Variants in FCRLA observed in about 807,000 individuals in gnomAD.
FCRLA encodes Fc receptor like A.
FCRLA carries 26 observed loss-of-function variants against 28.4 expected under a neutral mutation model. That is an observed-to-expected ratio of 0.91 (90% confidence interval 0.67 to 1.27). The LOEUF (loss-of-function observed/expected upper bound fraction) is 1.27, where lower values mean the gene tolerates loss of function less well. FCRLA is among the 50% of genes most tolerant of loss of function. The pLI is 0.00. For synonymous variants in FCRLA, 174 were observed against 168.5 expected (o/e 1.03, Z -0.25); for missense variants, 422 against 433.1 (o/e 0.97, Z 0.23).
rs530777599 is a variant in FCRLA at position 161,710,909 on chromosome 1, T to C, written c.229T>C (p.Tyr77His). 1.2e-6 allele frequency: 2 copies of C among 1,612,804 alleles called. No homozygotes were observed. The highest frequency in any genetic ancestry group is 4.5e-5 in the East Asian group (2 of 44,874). The change falls in exon 2 of 5, where the codon TAT becomes CAT. Residue 77 changes from tyrosine (Y) to histidine (H), a missense_variant. By Grantham distance (83) the Tyr-to-His change is moderately conservative. Coordinates refer to ENST00000236938, the MANE Select transcript of FCRLA (RefSeq NM_032738.4). The part of the protein sequence containing the change: ...FSEPFHLIVS[Y>H]DWLILQGPAK... ...TGAACCCTTCCACCTGATTGTGTCCTATGGTGAGGTCCTGGGAAGGCCTGA... is the reference window on the plus strand; with the variant it reads ...TGAACCCTTCCACCTGATTGTGTCCCATGGTGAGGTCCTGGGAAGGCCTGA...
rs34733000 is a variant in FCRLA at position 161,711,963 on chromosome 1, G to T, written c.529G>T (p.Val177Leu). Residue 177 changes from valine (V) to leucine (L), a missense_variant, in exon 4 of 5, where the codon GTA (valine) becomes TTA (leucine). By Grantham distance (32) the Val-to-Leu change is conservative. Around this residue, in one of 3 missense-constraint regions of FCRLA, gnomAD observed 231 missense variants for 214.6 expected, o/e 1.08. Transcript: ENST00000236938. ...GTTTCCAGCGCCAATTCTCAGAGCT[G>T]TACCCTCAGCTGAACCCCAAGCAGG... is the stretch of plus-strand genomic sequence containing the variant. ...ELFPAPILRA[V>L]PSAEPQAGSP... The T allele has an allele frequency of 1.9e-6, 3 of 1,613,678 alleles. No homozygotes were observed. The highest frequency in any genetic ancestry group is 3.3e-5 in the Admixed American group (2 of 59,970).
intron 1 of FCRLA, among the ~76,000 whole-genome samples, chr1:161,708,916 GT>G (rs1310299754): frequency 3.9e-5 from 6 of 152,084 alleles, no homozygotes; most frequent in Admixed American, 3.9e-4. Flanking sequence ...TAGTGACAAT[GT>G]TTTTTTGTTT....
At position 161,713,629 on chromosome 1, in the gene FCRLA, C is replaced by T. The variant is rs936873964; in HGVS notation, c.*249C>T. 6 of 388,882 alleles carry T rather than the reference C, an allele frequency of 1.5e-5. No individual in the cohort carries two copies. The highest frequency in any genetic ancestry group is 2.3e-5 in the Non-Finnish European group (5 of 217,420). The allele number at this position is 388,882 out of a possible 1,614,324, so 24.1% of individuals were successfully genotyped here. A position where few individuals can be genotyped will look rare whatever the true frequency, so the allele number is the denominator to read the frequency against. ...GATCAGGAATTTCTATCTGTTATAT[C>T]GACCAGAATGTTGTGATTTAAAGAG... On this transcript the variant is annotated 3_prime_UTR_variant, in exon 5 of 5. Coordinates refer to ENST00000236938, the MANE Select transcript of FCRLA (RefSeq NM_032738.4).
At position 161,711,447 on chromosome 1, in the gene FCRLA, G is replaced by A. The variant is rs144403707; in HGVS notation, c.472G>A (p.Ala158Thr). ...QSPGPGIPET[A>T]SVVAITVQEL... Reference sequence around the variant, plus strand: ...CCCTGGTCCTGGGATCCCAGAAACAGCATCTGTTGTGGCTATCACAGTCCA... The same window carrying A: ...CCCTGGTCCTGGGATCCCAGAAACAACATCTGTTGTGGCTATCACAGTCCA... The change falls in exon 3 of 5, where the codon GCA becomes ACA. Residue 158 changes from alanine (A) to threonine (T), a missense_variant. Ala to Thr is a moderately conservative substitution (Grantham distance 58, BLOSUM62 0). This residue lies in a region of FCRLA where 231 missense variants were observed against 214.6 expected (regional missense o/e 1.08). Coordinates refer to ENST00000236938, the MANE Select transcript of FCRLA (RefSeq NM_032738.4). The A allele has an allele frequency of 2.2e-4, 356 of 1,614,140 alleles. 1 individual carries two copies. In the African/African-American group the frequency reaches 4.2e-3, roughly 19 times the overall value.
In FCRLA at chr1:161,711,206, A is replaced by G; in HGVS notation, c.233-2A>G. 11 of 1,611,124 alleles carry G rather than the reference A, an allele frequency of 6.8e-6. No homozygotes were observed. The highest frequency in any genetic ancestry group is 8.5e-6 in the Non-Finnish European group (10 of 1,178,188). On this transcript the variant is annotated splice_acceptor_variant, in intron 2 of 4. Transcript: ENST00000236938. LOFTEE classifies it high-confidence loss of function. ...ACACTCAGCTCTTTCTCTGGACCAT[A>G]GACTGGCTGATCCTCCAAGGTCCAG... is the stretch of plus-strand genomic sequence containing the variant.
At chr1:161,712,293 C>T in intron 4 of FCRLA, 75 bp downstream of exon 4, 1 of 1,530,106 alleles carries the variant, frequency 6.5e-7, no homozygotes, top group Non-Finnish European at 8.9e-7. Flanking sequence ...ATAAATTGAC[C>T]TGTGAGCTGG....
At chr1:161,710,977 G>A in intron 2 of FCRLA, 65 bp downstream of exon 2, 1 of 1,595,756 alleles carries the variant, frequency 6.3e-7, no homozygotes, top group South Asian at 1.1e-5. Context: ...AGCCCACCCA[G>A]GAAAGTGTCC....
In FCRLA at chr1:161,707,287, T is replaced by C. The variant is rs1315217902; in HGVS notation, c.23T>C (p.Met8Thr). 3.1e-6 allele frequency: 5 copies of C among 1,614,026 alleles called. No homozygotes were observed. The highest frequency in any genetic ancestry group is 4.2e-6 in the Non-Finnish European group (5 of 1,179,964). The change falls in exon 1 of 5, where the codon ATG becomes ACG. Residue 8 changes from methionine to threonine, a missense_variant. Coordinates refer to ENST00000236938, the MANE Select transcript of FCRLA (RefSeq NM_032738.4). MKLGCVLMAWALYLSLGV... is the reference protein window; with the variant it reads MKLGCVLTAWALYLSLGV... The stretch of plus-strand genomic sequence containing the variant: ...ACCATGAAGCTGGGCTGTGTCCTCA[T>C]GGCCTGGGCCCTCTACCTTTCCCTT...
chr1:161,711,788 T>G (rs1683114237), intron 3 of FCRLA, 146 bp from the exon 4 acceptor site: 1 of 1,046,052 alleles, frequency 9.6e-7, no homozygotes, highest in African/African-American at 1.6e-5. Flanking sequence ...CAGAAAGAAC[T>G]TGACAGATTC....
rs761404270 is a variant in FCRLA, at chr1:161,711,435, A to G, written c.460A>G (p.Ile154Val). Residue 154 changes from isoleucine (I) to valine (V), a missense_variant, in exon 3 of 5, where the codon ATC becomes GTC. Around this residue, in one of 3 missense-constraint regions of FCRLA, gnomAD observed 231 missense variants for 214.6 expected, o/e 1.08. Transcript: ENST00000236938. ...CATCTTCCAGAGCCCTGGTCCTGGG[A>G]TCCCAGAAACAGCATCTGTTGTGGC... The part of the protein sequence containing the change: ...SGIFQSPGPG[I>V]PETASVVAIT... 9.3e-6 allele frequency: 15 copies of G among 1,614,084 alleles called. No individual in the cohort carries two copies. The Admixed American group carries it at 2.0e-4, about 22-fold the overall frequency.
chr1:161,710,543 A>C, intron 1 of FCRLA: 1 of 1,541,782 alleles, frequency 6.5e-7, no homozygotes, highest in Non-Finnish European at 8.8e-7. Flanking sequence ...TCCAAACCAC[A>C]GTGCATTTGC....
At chr1:161,711,508 G>T (rs1166780950) in intron 3 of FCRLA, 34 bp downstream of exon 3, 1 of 1,584,026 alleles carries the variant, frequency 6.3e-7, no homozygotes, top group Non-Finnish European at 8.6e-7. Context: ...CATGGCAGGG[G>T]AGGGTAAGGA....
intron 1 of FCRLA, 124 bp from the exon 2 acceptor site, chr1:161,710,636 G>T: frequency 6.9e-7 from 1 of 1,445,842 alleles, no homozygotes. Context: ...AAAAAAAAAG[G>T]TTTTGATGTC....
intron 3 of FCRLA, chr1:161,711,700 C>T (rs1193389614): frequency 1.2e-5 from 9 of 729,296 alleles, no homozygotes; most frequent in Admixed American, 2.8e-5. Context: ...ATCTATGCTT[C>T]CTAGTGCTCA....
intron 1 of FCRLA, among the ~76,000 whole-genome samples, chr1:161,709,187 G>T (rs972919374): frequency 6.6e-6 from 1 of 152,092 alleles, no homozygotes; most frequent in African/African-American, 2.4e-5. Flanking sequence ...GAGTGCAGTG[G>T]TGCAATCACT....
At position 161,712,257 on chromosome 1, in the gene FCRLA, G is replaced by A. The variant is rs200260849; in HGVS notation, c.784+39G>A. ...AGAGTGCAGGTTGTCTGTTTGGCATGCGTGTGAGTGAAAAGGAGGGATAGG... is the reference window on the plus strand; with the variant it reads ...AGAGTGCAGGTTGTCTGTTTGGCATACGTGTGAGTGAAAAGGAGGGATAGG... On this transcript the variant is annotated intron_variant, in intron 4 of 4. Coordinates refer to ENST00000236938, the MANE Select transcript of FCRLA (RefSeq NM_032738.4). The A allele has an allele frequency of 3.0e-4, 473 of 1,582,366 alleles. 2 individuals are homozygous for A. The African/African-American group carries it at 5.5e-3, about 18-fold the overall frequency.
chr1:161,711,906 T>C, intron 3 of FCRLA, 28 bp from the exon 4 acceptor site: 1 of 1,582,126 alleles, frequency 6.3e-7, no homozygotes, highest in Non-Finnish European at 8.6e-7. Context: ...ATGGCTGAGC[T>C]CTTCTTTCCT....
chr1:161,710,225 C>A, intron 1 of FCRLA: 2 of 546,460 alleles, frequency 3.7e-6, no homozygotes, highest in South Asian at 4.4e-5. Context: ...TTTCCCGATC[C>A]ATTGCTTAGT....
At position 161,713,474 on chromosome 1, in the gene FCRLA, TTACAAG is replaced by T; in HGVS notation, c.*96_*101del. ...GTCCTGCACATATGCATAAGTACTT[TTACAAG>T]TTGTCCCAGTGTTTTGTTAGAATAA... On this transcript the variant is annotated 3_prime_UTR_variant, in exon 5 of 5. Transcript: ENST00000236938. 9.9e-7 allele frequency: 1 copy of T among 1,007,914 alleles called. No individual in the cohort carries two copies. The highest frequency in any genetic ancestry group is 1.5e-6 in the Non-Finnish European group (1 of 681,972). 62.4% of individuals were successfully genotyped at this position (1,007,914 alleles called of 1,614,324 possible). A position where few individuals can be genotyped will look rare whatever the true frequency, so the allele number is the denominator to read the frequency against.
Sources: allele counts gnomAD v4.1 joint callset (sites outside exome capture counted in the v4.1 genomes callset), GRCh38; gene constraint gnomAD v4.1.1; regional missense constraint gnomAD v4.1.1; transcripts MANE v1.5; gene names NCBI Gene and HGNC (gene_info 2026-07-23, HGNC 2026-07-21).